Variants in STAG1 observed in about 807,000 individuals in gnomAD.
The protein encoded by STAG1 is STAG1 cohesin complex component.
Under a neutral mutation model 170.9 loss-of-function variants are expected in STAG1, and 26 were observed. The ratio of observed to expected loss-of-function variants is 0.15; its 90% CI spans 0.11 to 0.21. STAG1 has a LOEUF of 0.21. Among genes scored for constraint, STAG1 ranks in the 10% least tolerant of loss-of-function variants. The pLI is 1.00. For missense variants in STAG1, 964 were observed against 1,509.5 expected (o/e 0.64, Z 5.99); for synonymous variants, 514 against 497.7 (o/e 1.03, Z -0.44).
chr3:136,645,908 CAT>C (rs888123534), intron 1 of STAG1, among the ~76,000 whole-genome samples: 5 of 152,314 alleles, frequency 3.3e-5, no homozygotes, highest in African/African-American at 1.2e-4. Context: ...CCTGCCCTAC[CAT>C]ATGTCCCACA....
chr3:136,381,320 C>T (rs551480733), intron 22 of STAG1, among the ~76,000 whole-genome samples: 14 of 151,606 alleles, frequency 9.2e-5, no homozygotes, highest in African/African-American at 1.5e-4. Flanking sequence ...AGATGAATGA[C>T]AAAGAAGAGC....
At chr3:136,741,049 C>A (rs1026017178) in intron 1 of STAG1, among the ~76,000 whole-genome samples, 1 of 152,190 alleles carries the variant, frequency 6.6e-6, no homozygotes, top group African/African-American at 2.4e-5. Flanking sequence ...AGAAGAGAAG[C>A]ACTGGAAGCC....
At chr3:136,378,047 G>T (rs1041784360) in intron 22 of STAG1, among the ~76,000 whole-genome samples, 1 of 152,188 alleles carries the variant, frequency 6.6e-6, no homozygotes, top group Non-Finnish European at 1.5e-5. Flanking sequence ...AAAATTGCTA[G>T]TCATTCCTGT....
At chr3:136,578,079 A>T (rs776800067) in intron 4 of STAG1, among the ~76,000 whole-genome samples, 8 of 152,244 alleles carry the variant, frequency 5.3e-5, no homozygotes, top group Non-Finnish European at 1.0e-4. Context: ...GCCCAGAGGC[A>T]ATGAAAACTA....
intron 22 of STAG1, among the ~76,000 whole-genome samples, chr3:136,381,829 A>C (rs960687309): frequency 6.6e-6 from 1 of 152,244 alleles, no homozygotes; most frequent in East Asian, 1.9e-4. Flanking sequence ...TAAAATCTAT[A>C]AACAAGAGAG....
Position 136,565,135 on chromosome 3 carries a change from GAAGAGAAAGGA to G in STAG1, c.394+3619_394+3629del, listed in dbSNP as rs1937027962. 1.3e-4 allele frequency among the ~76,000 whole-genome samples: 20 copies of G among 148,408 alleles called. 1 individual carries two copies. The South Asian group carries it at 4.2e-3, about 31-fold the overall frequency. ...GAGAGAAAGAAAGGAAAGAGAAAGG[GAAGAGAAAGGA>G]AAGAGAAGGGAAAGGGAAAGGAAAG... On this transcript the variant is annotated intron_variant, in intron 5 of 33. Coordinates refer to ENST00000383202, the MANE Select transcript of STAG1 (RefSeq NM_005862.3).
intron 4 of STAG1, among the ~76,000 whole-genome samples, chr3:136,576,419 T>C (rs571638939): frequency 4.3e-4 from 65 of 152,282 alleles, no homozygotes; most frequent in Non-Finnish European, 7.4e-4. Flanking sequence ...ACCTGAGCCA[T>C]AGATCCTCAA....
At chr3:136,722,939 C>A (rs1431277340) in intron 1 of STAG1, among the ~76,000 whole-genome samples, 1 of 152,232 alleles carries the variant, frequency 6.6e-6, no homozygotes, top group Non-Finnish European at 1.5e-5. Flanking sequence ...AGTGATCCGC[C>A]AGCCTCGGCC....
intron 1 of STAG1, among the ~76,000 whole-genome samples, chr3:136,692,700 A>C (rs1942766541): frequency 1.3e-5 from 2 of 152,202 alleles, no homozygotes. Context: ...AGGTGTTCTA[A>C]ACAAATCTCT....
intron 19 of STAG1, 134 bp downstream of exon 19, chr3:136,422,276 A>C (rs2087981716): frequency 1.4e-6 from 1 of 689,818 alleles, no homozygotes; most frequent in East Asian, 2.8e-5. Context: ...AATTGTAATA[A>C]GGTTGCTAAG....
intron 9 of STAG1, among the ~76,000 whole-genome samples, chr3:136,485,938 G>C (rs2090001975): frequency 6.6e-6 from 1 of 152,082 alleles, no homozygotes; most frequent in Admixed American, 6.6e-5. Context: ...TTGTTTCCAA[G>C]GTTTTGCTTT....
chr3:136,742,721 A>C (rs1426980533), intron 1 of STAG1, among the ~76,000 whole-genome samples: 1 of 151,954 alleles, frequency 6.6e-6, no homozygotes, highest in Non-Finnish European at 1.5e-5. Context: ...TCTCAAAAAA[A>C]AAAAAAAGAA....
At chr3:136,593,177 G>C (rs970523684) in intron 4 of STAG1, among the ~76,000 whole-genome samples, 1 of 152,156 alleles carries the variant, frequency 6.6e-6, no homozygotes, top group South Asian at 2.1e-4. Context: ...ACTCGCGCAT[G>C]TTTTTTCAGA....
intron 28 of STAG1, among the ~76,000 whole-genome samples, chr3:136,355,377 A>G (rs1015351300): frequency 2.0e-5 from 3 of 150,376 alleles, no homozygotes; most frequent in Admixed American, 6.6e-5. Context: ...AAAAAAAAAA[A>G]AAGTATATAC....
intron 26 of STAG1, among the ~76,000 whole-genome samples, chr3:136,360,259 A>G (rs554894734): frequency 1.3e-5 from 2 of 152,280 alleles, no homozygotes; most frequent in East Asian, 3.9e-4. Flanking sequence ...CCTCCTATGT[A>G]TTAGATAAGA....
chr3:136,541,537 T>TTCACACACACACACACACTCAC (rs1491248535), intron 6 of STAG1, among the ~76,000 whole-genome samples: 1 of 50,826 alleles, frequency 2.0e-5, no homozygotes, highest in Non-Finnish European at 4.7e-5. Context: ...AAGCTTAACA[T>TTCACACACACACACACACTCAC]TCACACACAC....
intron 23 of STAG1, among the ~76,000 whole-genome samples, chr3:136,371,694 T>C (rs1320659771): frequency 1.3e-5 from 2 of 152,224 alleles, no homozygotes; most frequent in African/African-American, 2.4e-5. Context: ...CTGAGGGCTC[T>C]GTTCTGTTCC....
At chr3:136,427,903 G>A (rs1705057520) in intron 16 of STAG1, among the ~76,000 whole-genome samples, 1 of 152,098 alleles carries the variant, frequency 6.6e-6, no homozygotes, top group Non-Finnish European at 1.5e-5. Flanking sequence ...GCCAGCAAAG[G>A]ATAGTTTGAT....
intron 6 of STAG1, among the ~76,000 whole-genome samples, chr3:136,532,757 G>T (rs1369583518): frequency 1.3e-5 from 2 of 152,024 alleles, no homozygotes; most frequent in Non-Finnish European, 2.9e-5. Flanking sequence ...AGGCAAAAAA[G>T]GAATATACCT....
Sources: gnomAD v4.1 joint callset for allele counts (sites outside exome capture counted in the v4.1 genomes callset) on GRCh38, gnomAD v4.1.1 for gene constraint, MANE v1.5 for transcripts, NCBI Gene and HGNC (gene_info 2026-07-23, HGNC 2026-07-21) for gene names.